POU6F1: variants seen among roughly 807,000 people sequenced by gnomAD.
POU6F1 encodes POU class 6 homeobox 1.
A neutral mutation model predicts 28.9 loss-of-function variants in POU6F1; 9 were observed. The ratio of observed to expected loss-of-function variants is 0.31; its 90% CI spans 0.19 to 0.54. The LOEUF (loss-of-function observed/expected upper bound fraction) is 0.54. Ranked by LOEUF, POU6F1 falls within the 20% of genes least tolerant of loss-of-function variation. The probability of loss-of-function intolerance (pLI) is 0.94; values close to 1 mark genes in which losing one functional copy is unlikely to be tolerated. For missense variants in POU6F1, 338 were observed against 426.1 expected (o/e 0.79, Z 1.82); for synonymous variants, 173 against 171.1 (o/e 1.01, Z -0.09).
rs112702541 is a variant in POU6F1, at chr12:51,215,821, C to T, written c.-48+1821G>A. ...AGGTAATCCCTATAAGCCTCCGTTT[C>T]CTTATCCAAAATGGAACCAAATTAT... On this transcript the variant is annotated intron_variant, in intron 1 of 10. Transcript: ENST00000333640. Among the ~76,000 whole-genome samples, 715 of 152,168 alleles carry T rather than the reference C, an allele frequency of 4.7e-3. 7 individuals are homozygous for T. Among genetic ancestry groups the T allele is most frequent in the African/African-American group, 0.016 (674 of 41,508 alleles).
intron 8 of POU6F1, 27 bp downstream of exon 8, chr12:51,195,943 A>T: frequency 2.6e-5 from 4 of 155,030 alleles, no homozygotes; most frequent in South Asian, 1.4e-4. Context: ...AGCCTGCCCC[A>T]CCCCCCACCC....
At chr12:51,202,089 G>C (rs1232923511) in intron 3 of POU6F1, 1 of 151,988 alleles carries the variant, frequency 6.6e-6, no homozygotes, top group African/African-American at 2.4e-5. Flanking sequence ...TCGAACTCCT[G>C]AGCTCGAGCA....
intron 1 of POU6F1, among the ~76,000 whole-genome samples, chr12:51,215,742 G>A (rs1944255311): frequency 6.6e-6 from 1 of 152,032 alleles, no homozygotes; most frequent in East Asian, 1.9e-4. Context: ...TGACATGAGG[G>A]GTCAAAGGCA....
chr12:51,213,290 T>A (rs1222651884), intron 1 of POU6F1, among the ~76,000 whole-genome samples: 2 of 152,126 alleles, frequency 1.3e-5, no homozygotes, highest in Non-Finnish European at 1.5e-5. Context: ...ATTTCAGACA[T>A]GAAATTTTAT....
rs1942276844 is a variant in POU6F1 at position 51,189,893 on chromosome 12, T to C, written c.*354A>G. ...GCAAGAGCTAATGGCCAGTGGTCCT[T>C]AGGAGCTGCTTTAGCCCTGCCCCAA... On this transcript the variant is annotated 3_prime_UTR_variant, in exon 11 of 11. Transcript: ENST00000333640. 7.3e-6 allele frequency: 2 copies of C among 274,630 alleles called. No individual in the cohort carries two copies. Among genetic ancestry groups the C allele is most frequent in the South Asian group, 1.0e-4 (2 of 19,230 alleles). The allele number at this position is 274,630 out of a possible 1,614,324, so 17.0% of individuals were successfully genotyped here. A position where few individuals can be genotyped will look rare whatever the true frequency, so the allele number is the denominator to read the frequency against.
rs747002195 is a variant in POU6F1 at position 51,199,780 on chromosome 12, G to C, written c.333C>G (p.Thr111=). ...CAGCTTGTACAGCCAGTGGCGTCAG[G>C]GTCTGCGATGCCTGAGGCTGGCTTG... is the stretch of plus-strand genomic sequence containing the variant. The part of the protein sequence containing the change: ...QAPSQPQASQ[T]LTPLAVQAAP... The change falls in exon 4 of 11, where the codon ACC becomes ACG. Residue 111 remains threonine (T), a synonymous_variant. Coordinates refer to ENST00000333640, the MANE Select transcript of POU6F1 (RefSeq NM_001330422.2). The surrounding 1 kb of genome is among the most constrained non-coding windows in gnomAD (Gnocchi z 4.1). The C allele has an allele frequency of 6.5e-5, 26 of 399,150 alleles. No individual in the cohort carries two copies. The highest frequency in any genetic ancestry group is 1.1e-4 in the Non-Finnish European group (26 of 226,206). The allele number at this position is 399,150 out of a possible 1,614,324, so 24.7% of individuals were successfully genotyped here.
At chr12:51,191,534 A>T (rs562021895) in intron 10 of POU6F1, 62 bp downstream of exon 10, 2 of 1,557,424 alleles carry the variant, frequency 1.3e-6, no homozygotes, top group African/African-American at 2.7e-5. Flanking sequence ...GGTTCCCATG[A>T]GTGCCCGGTG....
intron 3 of POU6F1, 27 bp downstream of exon 3, chr12:51,204,146 T>G (rs1237279048): frequency 2.5e-6 from 1 of 398,904 alleles, no homozygotes; most frequent in Non-Finnish European, 4.4e-6. Flanking sequence ...GGTGGAGCAG[T>G]ACCAGGTGGG....
chr12:51,190,696 AG>A lies in POU6F1; in HGVS notation c.1491-105del. On this transcript the variant is annotated intron_variant, in intron 10 of 10. Coordinates refer to ENST00000333640, the MANE Select transcript of POU6F1 (RefSeq NM_001330422.2). This position sits in a 1 kb window ranked among gnomAD's most constrained non-coding sequence, Gnocchi z 4.5. ...TCCATCCTCAAGGGGCCGCTCCTCTAGGGGCTGGTGAGACTGTACCCAGTGC... is the reference window on the plus strand; with the variant it reads ...TCCATCCTCAAGGGGCCGCTCCTCTAGGGCTGGTGAGACTGTACCCAGTGC... 1 of 1,504,894 alleles carries A rather than the reference AG, an allele frequency of 6.6e-7. No individual in the cohort carries two copies. Among genetic ancestry groups the A allele is most frequent in the Non-Finnish European group, 8.9e-7 (1 of 1,129,454 alleles). The allele number at this position is 1,504,894 out of a possible 1,614,324, so 93.2% of individuals were successfully genotyped here.
At chr12:51,196,593 C>A (rs1177326905) in intron 7 of POU6F1, among the ~76,000 whole-genome samples, 3 of 152,342 alleles carry the variant, frequency 2.0e-5, no homozygotes, top group South Asian at 4.1e-4. Flanking sequence ...ATGAAAACTC[C>A]CACGTAATGT....
chr12:51,190,105 C>A lies in POU6F1; in HGVS notation c.*142G>T. 1 of 1,364,098 alleles carries A rather than the reference C, an allele frequency of 7.3e-7. No homozygotes were observed. The allele number at this position is 1,364,098 out of a possible 1,614,324, so 84.5% of individuals were successfully genotyped here. A position where few individuals can be genotyped will look rare whatever the true frequency, so the allele number is the denominator to read the frequency against. ...GTGGGAGAAAAGAGGGACATTGATGCACATGCACACGGTGGAGTCTGATGA... is the reference window on the plus strand; with the variant it reads ...GTGGGAGAAAAGAGGGACATTGATGAACATGCACACGGTGGAGTCTGATGA... On this transcript the variant is annotated 3_prime_UTR_variant, in exon 11 of 11. Coordinates refer to ENST00000333640, the MANE Select transcript of POU6F1 (RefSeq NM_001330422.2). This position sits in a 1 kb window ranked among gnomAD's most constrained non-coding sequence, Gnocchi z 4.5.
At chr12:51,210,103 G>A (rs1012111228) in intron 1 of POU6F1, among the ~76,000 whole-genome samples, 4 of 152,182 alleles carry the variant, frequency 2.6e-5, no homozygotes, top group Admixed American at 2.6e-4. Flanking sequence ...GACTACCCAT[G>A]GCCAGCTAAT....
At chr12:51,194,784 T>TC (rs1391219116) in intron 8 of POU6F1, among the ~76,000 whole-genome samples, 2 of 152,218 alleles carry the variant, frequency 1.3e-5, no homozygotes, top group African/African-American at 4.8e-5. Flanking sequence ...GCGCCAGTGT[T>TC]CATTGCCTAT....
chr12:51,193,252 G>A (rs1160240382), intron 8 of POU6F1, among the ~76,000 whole-genome samples: 1 of 152,196 alleles, frequency 6.6e-6, no homozygotes, highest in Non-Finnish European at 1.5e-5. Flanking sequence ...AAAGGGAGAA[G>A]GTATACCTCT....
intron 1 of POU6F1, among the ~76,000 whole-genome samples, chr12:51,213,439 C>G (rs1250837549): frequency 6.6e-6 from 1 of 152,100 alleles, no homozygotes; most frequent in Non-Finnish European, 1.5e-5. Context: ...GTTTCCAACT[C>G]CTGGGCTCAA....
At chr12:51,200,142 C>T (rs1565615762) in intron 3 of POU6F1, among the ~76,000 whole-genome samples, 1 of 152,138 alleles carries the variant, frequency 6.6e-6, no homozygotes, top group Non-Finnish European at 1.5e-5. Flanking sequence ...AAGAAGATAC[C>T]CAGGTGAGTG....
chr12:51,214,548 G>T (rs1019547636), intron 1 of POU6F1, among the ~76,000 whole-genome samples: 1 of 152,154 alleles, frequency 6.6e-6, no homozygotes, highest in Non-Finnish European at 1.5e-5. Context: ...CCTGAACCAT[G>T]AGCAGAGATA....
In POU6F1 at chr12:51,192,452, G is replaced by A; in HGVS notation, c.1199C>T (p.Thr400Ile). The A allele has an allele frequency of 6.2e-7, 1 of 1,613,544 alleles. No individual in the cohort carries two copies. Among genetic ancestry groups the A allele is most frequent in the Non-Finnish European group, 8.5e-7 (1 of 1,180,018 alleles). ...CACAGCAGGCTGGGGCACGGTTGGT[G>A]TGGGCTGGATGGGCTGCACCTGTGA... Reference protein sequence around the residue: ...AKSEVQPIQPTPTVPQPAVVI... With the variant: ...AKSEVQPIQPIPTVPQPAVVI... The change falls in exon 9 of 11, where the codon ACA becomes ATA. Residue 400 changes from threonine (T) to isoleucine (I), a missense_variant. Coordinates refer to ENST00000333640, the MANE Select transcript of POU6F1 (RefSeq NM_001330422.2).
At chr12:51,207,868 G>A (rs1943729257) in intron 1 of POU6F1, among the ~76,000 whole-genome samples, 1 of 152,218 alleles carries the variant, frequency 6.6e-6, no homozygotes, top group African/African-American at 2.4e-5. Context: ...TAACAGAGGA[G>A]GTGGGACATC....
Sources: allele counts gnomAD v4.1 joint callset (sites outside exome capture counted in the v4.1 genomes callset), GRCh38; gene constraint gnomAD v4.1.1; non-coding constraint Gnocchi (gnomAD v3.1); transcripts MANE v1.5; gene names NCBI Gene and HGNC (gene_info 2026-07-23, HGNC 2026-07-21).